The following CENPP variants were observed in gnomAD, a reference collection of about 807,000 sequenced individuals.
The protein encoded by CENPP is centromere protein P.
CENPP carries 24 observed loss-of-function variants against 35.6 expected under a neutral mutation model. The observed-to-expected ratio is 0.67, with a 90% confidence interval of 0.49 to 0.95. The LOEUF is 0.95. CENPP is among the 40% of genes least tolerant of loss of function. CENPP has a pLI of 0.00. For synonymous variants in CENPP, 120 were observed against 125.5 expected, an observed-to-expected ratio of 0.96 and a Z score of 0.29; for missense variants, 332 against 345.3, an observed-to-expected ratio of 0.96 and a Z score of 0.31.
At chr9:92,609,838 T>A (rs1159916193) in intron 5 of CENPP, among the ~76,000 whole-genome samples, 1 of 152,008 alleles carries the variant, frequency 6.6e-6, no homozygotes, top group Non-Finnish European at 1.5e-5. Context: ...CCTCCTGGGT[T>A]CAAGGGGTTC....
chr9:92,450,617 G>C (rs1329827450), intron 5 of CENPP, among the ~76,000 whole-genome samples: 4 of 152,128 alleles, frequency 2.6e-5, no homozygotes, highest in Non-Finnish European at 4.4e-5. Context: ...ACTCAGTAAT[G>C]GGATGTCTGG....
At chr9:92,596,156 C>T (rs1850774674) in intron 5 of CENPP, among the ~76,000 whole-genome samples, 1 of 151,328 alleles carries the variant, frequency 6.6e-6, no homozygotes, top group Non-Finnish European at 1.5e-5. Flanking sequence ...TGTTTTGAGA[C>T]AGAGTCTTGC....
At chr9:92,577,835 C>T (rs1005546245) in intron 5 of CENPP, among the ~76,000 whole-genome samples, 1 of 151,618 alleles carries the variant, frequency 6.6e-6, no homozygotes, top group Non-Finnish European at 1.5e-5. Context: ...TTTTAGGGTA[C>T]ATGTGCACAA....
chr9:92,459,122 C>CCAAA, intron 5 of CENPP, among the ~76,000 whole-genome samples: 1 of 152,254 alleles, frequency 6.6e-6, no homozygotes, highest in African/African-American at 2.4e-5. Flanking sequence ...AATGGGAACT[C>CCAAA]ATGATGCTCC....
At chr9:92,495,690 G>T in intron 5 of CENPP, 1 of 889,396 alleles carries the variant, frequency 1.1e-6, no homozygotes, top group Middle Eastern at 5.9e-4. Context: ...TTTCCTTAAT[G>T]TTAACAATGT....
chr9:92,542,081 T>C (rs749121118), intron 5 of CENPP, among the ~76,000 whole-genome samples: 7 of 152,180 alleles, frequency 4.6e-5, no homozygotes, highest in Non-Finnish European at 7.3e-5. Context: ...CGTGAGCCAC[T>C]GCACCCAGCC....
intron 5 of CENPP, among the ~76,000 whole-genome samples, chr9:92,501,820 A>C (rs1180929683): frequency 6.6e-6 from 1 of 152,108 alleles, no homozygotes; most frequent in East Asian, 1.9e-4. Flanking sequence ...CCCAGATCCC[A>C]GTTGTCTGCT....
rs866068199 is a variant in CENPP at position 92,382,991 on chromosome 9, T to C, written c.564+3132T>C. Among the ~76,000 whole-genome samples, 4 of 147,650 alleles carry C rather than the reference T, an allele frequency of 2.7e-5. No individual in the cohort carries two copies. The Admixed American group carries it at 2.8e-4, about 10-fold the overall frequency. On this transcript the variant is annotated intron_variant, in intron 5 of 7. Transcript: ENST00000375587. ...TTGGCTCACTGCAACCTCCGCCTCC[T>C]GGTCAAGCGATTCTCCTGCCTCAGC...
At chr9:92,416,860 AGAAG>A in intron 5 of CENPP, 2 of 1,614,030 alleles carry the variant, frequency 1.2e-6, no homozygotes, top group East Asian at 4.5e-5. Context: ...ACATAAGTGA[AGAAG>A]GCAAACCAGG....
chr9:92,577,028 A>T (rs992130452), intron 5 of CENPP, among the ~76,000 whole-genome samples: 2 of 152,228 alleles, frequency 1.3e-5, no homozygotes, highest in Non-Finnish European at 1.5e-5. Flanking sequence ...GGTGGGTATT[A>T]AAAAGAATAT....
Position 92,618,744 on chromosome 9 carries a change from GCCAGGGAACAGGAAT to G in CENPP, c.*5598_*5612del, listed in dbSNP as rs139089248. On this transcript the variant is annotated 3_prime_UTR_variant, in exon 8 of 8. Transcript: ENST00000375587. ...TTGGAAAGTAAACAATTCTGTGCCT[GCCAGGGAACAGGAAT>G]CCTGGGAACTGTTTAGTTCAAAAGC... 3.0e-3 allele frequency: 977 copies of G among 325,454 alleles called. 13 individuals are homozygous for G. The highest frequency in any genetic ancestry group is 0.021 in the African/African-American group (905 of 43,838). 20.2% of individuals were successfully genotyped at this position (325,454 alleles called of 1,614,324 possible). A position where few individuals can be genotyped will look rare whatever the true frequency, so the allele number is the denominator to read the frequency against.
chr9:92,602,080 G>A (rs1850936134), intron 5 of CENPP, among the ~76,000 whole-genome samples: 1 of 152,194 alleles, frequency 6.6e-6, no homozygotes. Flanking sequence ...CCAGAGAGTA[G>A]GAAGACCTCA....
At chr9:92,462,363 G>A (rs979818442) in intron 5 of CENPP, among the ~76,000 whole-genome samples, 4 of 152,080 alleles carry the variant, frequency 2.6e-5, no homozygotes, top group Non-Finnish European at 5.9e-5. Flanking sequence ...GTGAATAATC[G>A]TTCTTTCTCT....
At chr9:92,400,745 A>G (rs568833557) in intron 5 of CENPP, among the ~76,000 whole-genome samples, 24 of 152,342 alleles carry the variant, frequency 1.6e-4, no homozygotes, top group African/African-American at 5.3e-4. Context: ...TAAGTTTCTT[A>G]AAGGCAATAA....
intron 3 of CENPP, among the ~76,000 whole-genome samples, chr9:92,338,525 A>G (rs551630901): frequency 6.6e-6 from 1 of 152,336 alleles, no homozygotes; most frequent in Non-Finnish European, 1.5e-5. Context: ...GCTATGAAAT[A>G]GTTACTATAG....
rs561480285 is a variant in CENPP, at chr9:92,410,691, G to A, written c.564+30832G>A. 2.0e-5 allele frequency among the ~76,000 whole-genome samples: 3 copies of A among 152,340 alleles called. No individual in the cohort carries two copies. The South Asian group carries it at 6.2e-4, about 32-fold the overall frequency. On this transcript the variant is annotated intron_variant, in intron 5 of 7. Coordinates refer to ENST00000375587, the MANE Select transcript of CENPP (RefSeq NM_001012267.3). ...ATGCTTACTCTGTTTTGTGTGCCAG[G>A]AAAAACAGTGTGAGCACCCAGGAGT...
chr9:92,368,966 C>T (rs917547645), intron 4 of CENPP, among the ~76,000 whole-genome samples: 5 of 152,188 alleles, frequency 3.3e-5, no homozygotes, highest in African/African-American at 1.2e-4. Context: ...GTCTCTTGAG[C>T]TCAGGAGCTC....
At chr9:92,326,748 A>G (rs1840532713) in intron 1 of CENPP, among the ~76,000 whole-genome samples, 2 of 152,182 alleles carry the variant, frequency 1.3e-5, no homozygotes, top group Admixed American at 6.5e-5. Context: ...CTTTTGGTTT[A>G]TTGAAGGAGA....
chr9:92,607,174 T>C (rs1185858539), intron 5 of CENPP, among the ~76,000 whole-genome samples: 2 of 151,600 alleles, frequency 1.3e-5, no homozygotes, highest in African/African-American at 4.8e-5. Context: ...AATTTTTGTA[T>C]TTGGTGTGCA....
Sources: gnomAD v4.1 joint callset for allele counts (sites outside exome capture counted in the v4.1 genomes callset) on GRCh38, gnomAD v4.1.1 for gene constraint, MANE v1.5 for transcripts, NCBI Gene and HGNC (gene_info 2026-07-23, HGNC 2026-07-21) for gene names.